LARGE1: variants seen among roughly 807,000 people sequenced by gnomAD.
LARGE1 encodes the protein xylosyl- and glucuronyltransferase LARGE1.
A neutral mutation model predicts 87.6 loss-of-function variants in LARGE1; 43 were observed. That is an observed-to-expected ratio of 0.49 (90% confidence interval 0.38 to 0.63). LARGE1 has a LOEUF of 0.63. Among genes scored for constraint, LARGE1 ranks in the 30% least tolerant of loss-of-function variants. The probability of loss-of-function intolerance (pLI) is 0.00; values close to 1 mark genes in which losing one functional copy is unlikely to be tolerated. For synonymous variants in LARGE1, 434 were observed against 394.6 expected, an observed-to-expected ratio of 1.10 and a Z score of -1.18; for missense variants, 802 against 1,000.2, an observed-to-expected ratio of 0.80 and a Z score of 2.67.
intron 6 of LARGE1, among the ~76,000 whole-genome samples, chr22:33,450,974 C>G (rs928954116): frequency 3.3e-5 from 5 of 152,160 alleles, no homozygotes; most frequent in African/African-American, 1.2e-4. Context: ...CACATAAACA[C>G]GGGGTAAAGC....
At chr22:33,714,525 G>A (rs979972624) in intron 2 of LARGE1, among the ~76,000 whole-genome samples, 1 of 152,108 alleles carries the variant, frequency 6.6e-6, no homozygotes, top group African/African-American at 2.4e-5. Context: ...AATAATAACT[G>A]CTTTAATCAT....
intron 6 of LARGE1, among the ~76,000 whole-genome samples, chr22:33,461,767 T>C (rs2068393107): frequency 6.6e-6 from 1 of 151,984 alleles, no homozygotes; most frequent in African/African-American, 2.4e-5. Flanking sequence ...TCTCTTATTG[T>C]TTACTCTCTT....
intron 2 of LARGE1, among the ~76,000 whole-genome samples, chr22:33,750,111 CAG>C (rs2084256788): frequency 6.6e-6 from 1 of 152,170 alleles, no homozygotes; most frequent in Admixed American, 6.5e-5. Flanking sequence ...ATGAGCCAGA[CAG>C]AGTCAACCAC....
At chr22:33,293,809 A>C (rs1232205546) in intron 12 of LARGE1, among the ~76,000 whole-genome samples, 1 of 152,200 alleles carries the variant, frequency 6.6e-6, no homozygotes, top group Non-Finnish European at 1.5e-5. Flanking sequence ...AGCCTCCTAT[A>C]CTGGCTATTT....
intron 6 of LARGE1, among the ~76,000 whole-genome samples, chr22:33,453,383 CCAG>C (rs1164762600): frequency 1.3e-5 from 2 of 151,724 alleles, no homozygotes; most frequent in Non-Finnish European, 2.9e-5. Context: ...CCACTGCACT[CCAG>C]CCTGGGTGAC....
chr22:33,784,584 C>T (rs1419999026), intron 1 of LARGE1, among the ~76,000 whole-genome samples: 1 of 152,046 alleles, frequency 6.6e-6, no homozygotes, highest in Non-Finnish European at 1.5e-5. Flanking sequence ...TTTAGGTGCT[C>T]CGGTGCAAGA....
intron 11 of LARGE1, among the ~76,000 whole-genome samples, chr22:33,253,794 G>C (rs1244668946): frequency 6.6e-6 from 1 of 152,156 alleles, no homozygotes; most frequent in Non-Finnish European, 1.5e-5. Context: ...TGCCTCCTTA[G>C]TCTGAGAAAG....
At chr22:33,608,344 C>T (rs534648219) in intron 4 of LARGE1, among the ~76,000 whole-genome samples, 6 of 152,196 alleles carry the variant, frequency 3.9e-5, no homozygotes, top group Middle Eastern at 3.4e-3. Flanking sequence ...CATGGAATGC[C>T]CTTCCCTGCT....
At chr22:33,823,461 A>G (rs947308871) in intron 1 of LARGE1, among the ~76,000 whole-genome samples, 11 of 152,220 alleles carry the variant, frequency 7.2e-5, no homozygotes, top group African/African-American at 2.7e-4. Flanking sequence ...CTTGCTATCT[A>G]TCAGGAAGTA....
intron 7 of LARGE1, among the ~76,000 whole-genome samples, chr22:33,388,294 G>C (rs1035062933): frequency 6.6e-6 from 1 of 152,060 alleles, no homozygotes; most frequent in African/African-American, 2.4e-5. Context: ...TTCATGTCTC[G>C]AGAGCTTAGC....
intron 11 of LARGE1, among the ~76,000 whole-genome samples, chr22:33,241,495 A>C (rs1051232279): frequency 2.0e-5 from 3 of 152,010 alleles, no homozygotes; most frequent in Non-Finnish European, 4.4e-5. Flanking sequence ...CATATGTATT[A>C]AGTGAATGGA....
upstream of LARGE1, among the ~76,000 whole-genome samples, chr22:33,920,678 C>T (rs1428867482): frequency 5.5e-5 from 8 of 145,558 alleles, 1 homozygote; most frequent in East Asian, 1.6e-3. Context: ...GGAGGCGCGG[C>T]GAGTGGATCG....
At chr22:33,282,442 C>G (rs1010418990) in intron 13 of LARGE1, among the ~76,000 whole-genome samples, 1 of 152,196 alleles carries the variant, frequency 6.6e-6, no homozygotes, top group African/African-American at 2.4e-5. Context: ...TCAGTTACGG[C>G]ACCTAGCAGG....
chr22:33,151,112 C>T, the LARGE1 span, among the ~76,000 whole-genome samples: 5 of 152,118 alleles, frequency 3.3e-5, no homozygotes, highest in Non-Finnish European at 5.9e-5. Flanking sequence ...TTTTGGTCCT[C>T]TTTGATTTCT....
At chr22:33,197,161 G>A (rs1924124623) in intron 11 of LARGE1, among the ~76,000 whole-genome samples, 2 of 151,372 alleles carry the variant, frequency 1.3e-5, no homozygotes, top group South Asian at 4.2e-4. Flanking sequence ...TTAAAGAAGA[G>A]CTACAAAAAT....
Position 33,571,824 on chromosome 22 carries a change from T to C in LARGE1, c.616-6805A>G, listed in dbSNP as rs2078214076. Among the ~76,000 whole-genome samples, 10 of 152,224 alleles carry C rather than the reference T, an allele frequency of 6.6e-5. 1 individual carries two copies. In the South Asian group the frequency reaches 2.1e-3, roughly 32 times the overall value. ...ACTCTACTCTGAACTGATGTGTTTC[T>C]CTCTTTCCCTCCCTTCCCACTGGAC... On this transcript the variant is annotated intron_variant, in intron 5 of 14. Coordinates refer to ENST00000397394, the MANE Select transcript of LARGE1 (RefSeq NM_133642.5).
intron 2 of LARGE1, among the ~76,000 whole-genome samples, chr22:33,655,167 GT>G (rs969746073): frequency 3.3e-5 from 5 of 151,416 alleles, no homozygotes; most frequent in East Asian, 3.9e-4. Flanking sequence ...CATTTTGGGT[GT>G]TTTTTTTTAA....
chr22:33,207,745 C>T (rs1293368957), intron 11 of LARGE1, among the ~76,000 whole-genome samples: 1 of 152,130 alleles, frequency 6.6e-6, no homozygotes, highest in Non-Finnish European at 1.5e-5. Flanking sequence ...ATCCACTGCT[C>T]CAACAGATAT....
chr22:33,283,198 T>C lies in LARGE1; in HGVS notation c.1877+4A>G. ...CCCAGAGTACAGCAGCTAGAGCCAC[T>C]CACCTGAATGTGAAGAGGGTCCCCA... On this transcript the variant is annotated splice_donor_region_variant and intron_variant, in intron 13 of 14. Coordinates refer to ENST00000397394, the MANE Select transcript of LARGE1 (RefSeq NM_133642.5). 1 of 1,614,096 alleles carries C rather than the reference T, an allele frequency of 6.2e-7. No individual in the cohort carries two copies.
Sources: allele counts gnomAD v4.1 joint callset (sites outside exome capture counted in the v4.1 genomes callset), GRCh38; gene constraint gnomAD v4.1.1; transcripts MANE v1.5; gene names NCBI Gene and HGNC (gene_info 2026-07-23, HGNC 2026-07-21).